Variants in TTC23 observed in about 807,000 individuals in gnomAD.
The protein encoded by TTC23 is tetratricopeptide repeat domain 23.
Under a neutral mutation model 55.1 loss-of-function variants are expected in TTC23, and 58 were observed. The ratio of observed to expected loss-of-function variants is 1.05; its 90% CI spans 0.85 to 1.31. TTC23 has a LOEUF of 1.31. TTC23 is among the 50% of genes most tolerant of loss of function. TTC23 has a pLI of 0.00. For synonymous variants in TTC23, 203 were observed against 199.9 expected, an observed-to-expected ratio of 1.02 and a Z score of -0.13; for missense variants, 516 against 534.4, an observed-to-expected ratio of 0.97 and a Z score of 0.34.
At chr15:99,189,303 G>C (rs1234989833) in intron 9 of TTC23, among the ~76,000 whole-genome samples, 1 of 152,110 alleles carries the variant, frequency 6.6e-6, no homozygotes, top group African/African-American at 2.4e-5. Context: ...GATAAGTGTG[G>C]ATAAAATGGT....
intron 9 of TTC23, among the ~76,000 whole-genome samples, chr15:99,190,164 A>G (rs932797933): frequency 6.7e-6 from 1 of 148,334 alleles, no homozygotes; most frequent in Non-Finnish European, 1.5e-5. Flanking sequence ...TGGGTGACAA[A>G]GCAAGACCTG....
Position 99,181,889 on chromosome 15 carries a change from A to G in TTC23, c.760-6734T>C, listed in dbSNP as rs142211383. On this transcript the variant is annotated intron_variant, in intron 9 of 13. Transcript: ENST00000394132. ...AGCCAGTTTCTTTTAATAGTCAGAG[A>G]AAGTCCTCAGTGGCAGCTCTCCAGT... Among the ~76,000 whole-genome samples, 6 of 152,262 alleles carry G rather than the reference A, an allele frequency of 3.9e-5. No individual in the cohort carries two copies. The East Asian group carries it at 9.6e-4, about 24-fold the overall frequency.
intron 10 of TTC23, among the ~76,000 whole-genome samples, chr15:99,164,428 A>C (rs1047940258): frequency 1.3e-5 from 2 of 152,206 alleles, no homozygotes; most frequent in African/African-American, 4.8e-5. Context: ...CCCCAAAGAG[A>C]CATGGGACTC....
rs111912962 is a variant in TTC23, at chr15:99,194,009, CA to C, written c.759+5909del. 5.7e-3 allele frequency among the ~76,000 whole-genome samples: 732 copies of C among 128,684 alleles called. 2 individuals carry two copies. Among genetic ancestry groups the C allele is most frequent in the Middle Eastern group, 0.013 (3 of 238 alleles). 84.4% of individuals were successfully genotyped at this position (128,684 alleles called of 152,430 possible). ...GGGTGGCAAGAGCAAGACTCTATCTCAAAAAAAAAAAAAAGTTTTAATGTTT... is the reference window on the plus strand; with the variant it reads ...GGGTGGCAAGAGCAAGACTCTATCTCAAAAAAAAAAAAAGTTTTAATGTTT... On this transcript the variant is annotated intron_variant, in intron 9 of 13. Coordinates refer to ENST00000394132, the MANE Select transcript of TTC23 (RefSeq NM_001288615.3).
chr15:99,183,254 C>A (rs2074320523), intron 9 of TTC23, among the ~76,000 whole-genome samples: 1 of 152,082 alleles, frequency 6.6e-6, no homozygotes, highest in Non-Finnish European at 1.5e-5. Flanking sequence ...TTGGCCCTAC[C>A]CTAGATCTGT....
At chr15:99,178,856 C>T (rs2151940571) in intron 9 of TTC23, among the ~76,000 whole-genome samples, 1 of 152,236 alleles carries the variant, frequency 6.6e-6, no homozygotes, top group South Asian at 2.1e-4. Context: ...CACGCTGGCT[C>T]CCAAGACAAG....
intron 12 of TTC23, among the ~76,000 whole-genome samples, chr15:99,142,999 C>T (rs1555491226): frequency 1.3e-5 from 2 of 152,142 alleles, no homozygotes; most frequent in Non-Finnish European, 2.9e-5. Flanking sequence ...CCTAAGGTTA[C>T]TTATCCTTAC....
At chr15:99,215,180 A>G (rs984818788) in intron 8 of TTC23, among the ~76,000 whole-genome samples, 2 of 151,870 alleles carry the variant, frequency 1.3e-5, no homozygotes, top group East Asian at 3.9e-4. Context: ...CTATCCAGTT[A>G]TGTGTTTGTT....
chr15:99,140,054 T>G (rs2068049423), intron 12 of TTC23: 1 of 219,172 alleles, frequency 4.6e-6, no homozygotes, highest in African/African-American at 2.3e-5. Context: ...GGAACTTGCT[T>G]TACTGAATGC....
At chr15:99,217,784 G>A (rs1596784232) in intron 8 of TTC23, among the ~76,000 whole-genome samples, 1 of 152,194 alleles carries the variant, frequency 6.6e-6, no homozygotes, top group African/African-American at 2.4e-5. Flanking sequence ...GGAAGCATTA[G>A]GTGTGTTCTC....
At chr15:99,237,950 CTTGT>C (rs1484704112) in intron 3 of TTC23, among the ~76,000 whole-genome samples, 3 of 151,854 alleles carry the variant, frequency 2.0e-5, no homozygotes, top group South Asian at 2.1e-4. Context: ...CCTATTGCAA[CTTGT>C]TTATTTATTT....
At chr15:99,153,838 GACAA>G (rs2070173292) in intron 12 of TTC23, among the ~76,000 whole-genome samples, 1 of 151,948 alleles carries the variant, frequency 6.6e-6, no homozygotes. Flanking sequence ...TAACACAATA[GACAA>G]ACTAAGTCAA....
chr15:99,202,591 T>C (rs971558646), intron 8 of TTC23, among the ~76,000 whole-genome samples: 2 of 152,226 alleles, frequency 1.3e-5, no homozygotes, highest in African/African-American at 4.8e-5. Context: ...GGTTTGTTAA[T>C]AGGTGAAGAC....
At chr15:99,243,857 A>G (rs1264643724) in intron 2 of TTC23, among the ~76,000 whole-genome samples, 2 of 152,210 alleles carry the variant, frequency 1.3e-5, no homozygotes, top group Non-Finnish European at 2.9e-5. Context: ...AAGTGGGGAT[A>G]GTTAATGGGT....
At chr15:99,243,312 C>G (rs1019793485) in intron 2 of TTC23, among the ~76,000 whole-genome samples, 21 of 152,176 alleles carry the variant, frequency 1.4e-4, no homozygotes, top group African/African-American at 5.1e-4. Flanking sequence ...CATCTCACCC[C>G]AGTTAAGATG....
At chr15:99,180,708 G>A (rs1035653878) in intron 9 of TTC23, among the ~76,000 whole-genome samples, 3 of 152,210 alleles carry the variant, frequency 2.0e-5, no homozygotes, top group African/African-American at 4.8e-5. Context: ...GGTCTTGGGG[G>A]TTAGGGAAAT....
intron 3 of TTC23, among the ~76,000 whole-genome samples, chr15:99,240,626 T>A (rs973048198): frequency 6.6e-6 from 1 of 152,254 alleles, no homozygotes; most frequent in Non-Finnish European, 1.5e-5. Context: ...CTACCGGACA[T>A]GAAGGCAGCA....
intron 5 of TTC23, 135 bp downstream of exon 5, chr15:99,228,398 A>C (rs893729900): frequency 1.6e-5 from 11 of 707,660 alleles, no homozygotes; most frequent in Non-Finnish European, 2.1e-5. Context: ...ATGTTATAAC[A>C]AAGGCACTGT....
intron 10 of TTC23, among the ~76,000 whole-genome samples, chr15:99,174,462 C>CAAA (rs34376987): frequency 1.3e-4 from 18 of 141,096 alleles, no homozygotes; most frequent in African/African-American, 4.4e-4. Context: ...ATATTATGAC[C>CAAA]AAAAAAAAAA....
Sources: gnomAD v4.1 joint callset for allele counts (sites outside exome capture counted in the v4.1 genomes callset) on GRCh38, gnomAD v4.1.1 for gene constraint, MANE v1.5 for transcripts, NCBI Gene and HGNC (gene_info 2026-07-23, HGNC 2026-07-21) for gene names.